Variants in ADAP1 observed in about 807,000 individuals in gnomAD.
ADAP1 encodes ArfGAP with dual PH domains 1, also known as arf-GAP with dual PH domain-containing protein 1.
Under a neutral mutation model 54.9 loss-of-function variants are expected in ADAP1, and 31 were observed. The observed-to-expected ratio is 0.56, with a 90% CI of 0.42 to 0.76. The LOEUF (loss-of-function observed/expected upper bound fraction) is 0.76, where lower values mean the gene tolerates loss of function less well. Ranked by LOEUF, ADAP1 falls within the 30% of genes least tolerant of loss-of-function variation. ADAP1 has a pLI of 0.00. For missense variants in ADAP1, 535 were observed against 512.4 expected, an observed-to-expected ratio of 1.04 and a Z score of -0.42; for synonymous variants, 313 against 202.6, an observed-to-expected ratio of 1.55 and a Z score of -4.63.
At chr7:918,922 ACTGCTGGGGGGCAGAGTTGGGG>A (rs1562924712) in intron 4 of ADAP1, among the ~76,000 whole-genome samples, 1 of 43,756 alleles carries the variant, frequency 2.3e-5, no homozygotes, top group African/African-American at 1.8e-4. Context: ...GGAGTTGGGG[ACTGCTGGGGGGCAGAGTTGGGG>A]ACTGCTGGGG....
intron 6 of ADAP1, among the ~76,000 whole-genome samples, chr7:903,378 T>C (rs753025127): frequency 6.6e-6 from 1 of 152,006 alleles, no homozygotes; most frequent in Non-Finnish European, 1.5e-5. Flanking sequence ...AGTGGGTAAA[T>C]CTGCAGCGAC....
chr7:930,132 C>T (rs1846523314), intron 2 of ADAP1, among the ~76,000 whole-genome samples: 1 of 141,976 alleles, frequency 7.0e-6, no homozygotes, highest in Non-Finnish European at 1.5e-5. Flanking sequence ...AAAAAACCCT[C>T]AGGCAGAGAA....
In ADAP1 at chr7:903,362, G is replaced by C. The variant is rs369972347; in HGVS notation, c.648+764C>G. On this transcript the variant is annotated intron_variant, in intron 6 of 10. Coordinates refer to ENST00000265846, the MANE Select transcript of ADAP1 (RefSeq NM_006869.4). ...TCCACGTGGGAAGTTGTCAGATGGTGCCTAAAGTGGGTAAATCTGCAGCGA... is the reference window on the plus strand; with the variant it reads ...TCCACGTGGGAAGTTGTCAGATGGTCCCTAAAGTGGGTAAATCTGCAGCGA... 2.1e-4 allele frequency among the ~76,000 whole-genome samples: 32 copies of C among 152,312 alleles called. No homozygotes were observed. In the East Asian group the frequency reaches 2.7e-3, roughly 13 times the overall value.
intron 4 of ADAP1, among the ~76,000 whole-genome samples, chr7:911,948 G>A (rs1020811669): frequency 3.9e-5 from 6 of 152,056 alleles, no homozygotes; most frequent in Admixed American, 2.0e-4. Flanking sequence ...CCAAACACCC[G>A]TCCCCTCATG....
At chr7:904,769 CAG>C (rs1173686779) in intron 5 of ADAP1, among the ~76,000 whole-genome samples, 1 of 152,246 alleles carries the variant, frequency 6.6e-6, no homozygotes, top group African/African-American at 2.4e-5. Context: ...TGGCTGGCTC[CAG>C]AGGGGCCCAG....
chr7:919,662 AAG>A (rs574897054), intron 4 of ADAP1, among the ~76,000 whole-genome samples: 32 of 103,898 alleles, frequency 3.1e-4, no homozygotes, highest in African/African-American at 1.3e-3. Flanking sequence ...CAGAGAGATA[AAG>A]AGAGACAGAA....
At chr7:952,150 G>A (rs1047328486) in intron 1 of ADAP1, among the ~76,000 whole-genome samples, 4 of 152,072 alleles carry the variant, frequency 2.6e-5, no homozygotes, top group African/African-American at 4.8e-5. Flanking sequence ...GCCGCCGGGC[G>A]AGGCCCCCTG....
At chr7:942,401 G>C (rs1846969292) in intron 1 of ADAP1, among the ~76,000 whole-genome samples, 1 of 98,700 alleles carries the variant, frequency 1.0e-5, no homozygotes, top group South Asian at 4.5e-4. Flanking sequence ...AGGAGGAAGG[G>C]AGAGAGGAGG....
At chr7:936,858 G>C (rs554789955) in intron 1 of ADAP1, among the ~76,000 whole-genome samples, 1 of 152,344 alleles carries the variant, frequency 6.6e-6, no homozygotes, top group South Asian at 2.1e-4. Context: ...CCACCCTTCA[G>C]GCCTGGCGGA....
At chr7:903,914 T>G in intron 6 of ADAP1, 1 of 572,882 alleles carries the variant, frequency 1.7e-6, no homozygotes, top group East Asian at 3.7e-5. Flanking sequence ...CCTGCACCTG[T>G]CTTCCCATGC....
At chr7:916,111 G>A (rs765793779) in intron 4 of ADAP1, among the ~76,000 whole-genome samples, 12 of 152,180 alleles carry the variant, frequency 7.9e-5, no homozygotes, top group Admixed American at 2.0e-4. Flanking sequence ...ATCCCGGCCC[G>A]ACCAGTCAGA....
rs116988610 is a variant in ADAP1, at chr7:945,147, C to T, written c.82+9249G>A. Among the ~76,000 whole-genome samples, 489 of 152,284 alleles carry T rather than the reference C, an allele frequency of 3.2e-3. 1 individual carries two copies. The highest frequency in any genetic ancestry group is 5.5e-3 in the Non-Finnish European group (375 of 68,014). The stretch of plus-strand genomic sequence containing the variant: ...TGGCTGGTCCCCAAGGCAGAAGGGA[C>T]GGGCTGACCCTTCTGTTTTCCAAGT... On this transcript the variant is annotated intron_variant, in intron 1 of 10. Coordinates refer to ENST00000265846, the MANE Select transcript of ADAP1 (RefSeq NM_006869.4). This position sits in a 1 kb window ranked among gnomAD's most constrained non-coding sequence, Gnocchi z 4.2.
chr7:937,013 G>C (rs750452153), intron 1 of ADAP1, among the ~76,000 whole-genome samples: 3 of 152,208 alleles, frequency 2.0e-5, no homozygotes, highest in African/African-American at 7.2e-5. Context: ...GTGAGCCCCC[G>C]GCCGGGGATG....
chr7:948,263 C>G (rs1478140088), intron 1 of ADAP1, among the ~76,000 whole-genome samples: 1 of 151,966 alleles, frequency 6.6e-6, no homozygotes, highest in Non-Finnish European at 1.5e-5. Flanking sequence ...TCCATCAGTG[C>G]AATGCCCTCT....
At chr7:914,233 C>T (rs1258669532) in intron 4 of ADAP1, among the ~76,000 whole-genome samples, 1 of 152,202 alleles carries the variant, frequency 6.6e-6, no homozygotes, top group Non-Finnish European at 1.5e-5. Context: ...GCCCAGGCCT[C>T]ACCTGGCCAA....
chr7:952,226 G>A (rs1847289371), intron 1 of ADAP1, among the ~76,000 whole-genome samples: 1 of 152,186 alleles, frequency 6.6e-6, no homozygotes, highest in South Asian at 2.1e-4. Flanking sequence ...GCTTCTGTGG[G>A]GGCCGCAGAG....
intron 1 of ADAP1, 65 bp from the exon 2 acceptor site, chr7:935,570 A>G: frequency 6.5e-7 from 1 of 1,536,878 alleles, no homozygotes; most frequent in Non-Finnish European, 8.8e-7. Flanking sequence ...GGGTGGACGG[A>G]GCCTCGAGTC....
At chr7:912,263 C>T (rs1845755241) in intron 4 of ADAP1, among the ~76,000 whole-genome samples, 2 of 152,170 alleles carry the variant, frequency 1.3e-5, no homozygotes, top group Admixed American at 1.3e-4. Context: ...GAGACCAGGG[C>T]CTGGCCCTCA....
Position 935,443 on chromosome 7 carries a change from G to A in ADAP1, c.145C>T (p.Arg49Trp). The change falls in exon 2 of 11, where the codon CGG becomes TGG. Residue 49 changes from arginine (R) to tryptophan (W), a missense_variant. By Grantham distance (101) the Arg-to-Trp change is moderately radical. Transcript: ENST00000265846. ...FICLSCSGIH[R>W]NIPQVSKVKS... Reference sequence around the variant, plus strand: ...ACCTTGCTGACCTGGGGGATATTCCGGTGGATTCCCGAGCAGCTCAGGCAG... The same window carrying A: ...ACCTTGCTGACCTGGGGGATATTCCAGTGGATTCCCGAGCAGCTCAGGCAG... 1 of 1,560,618 alleles carries A rather than the reference G, an allele frequency of 6.4e-7. No individual in the cohort carries two copies. The highest frequency in any genetic ancestry group is 8.7e-7 in the Non-Finnish European group (1 of 1,152,312).
Sources: allele counts gnomAD v4.1 joint callset (sites outside exome capture counted in the v4.1 genomes callset), GRCh38; gene constraint gnomAD v4.1.1; non-coding constraint Gnocchi (gnomAD v3.1); transcripts MANE v1.5; gene names NCBI Gene and HGNC (gene_info 2026-07-23, HGNC 2026-07-21).